The following MEGF10 variants were observed in gnomAD, a reference collection of about 807,000 sequenced individuals.
MEGF10 encodes the protein multiple epidermal growth factor-like domains protein 10.
In MEGF10, 86 loss-of-function variants were observed where a neutral mutation model predicts 147.5. The ratio of observed to expected loss-of-function variants is 0.58; its 90% CI spans 0.49 to 0.70. The LOEUF is 0.70. MEGF10 is among the 30% of genes least tolerant of loss of function. The pLI, the probability that MEGF10 is intolerant of heterozygous loss-of-function variation, is 0.00. For missense variants in MEGF10, 1,329 were observed against 1,487.3 expected, an observed-to-expected ratio of 0.89 and a Z score of 1.75; for synonymous variants, 478 against 525.5, an observed-to-expected ratio of 0.91 and a Z score of 1.24.
At chr5:127,392,299 G>A (rs1763732521) in intron 5 of MEGF10, among the ~76,000 whole-genome samples, 1 of 152,140 alleles carries the variant, frequency 6.6e-6, no homozygotes, top group South Asian at 2.1e-4. Flanking sequence ...GCTGTTGCAT[G>A]TATCATTCCC....
At chr5:127,354,835 G>A (rs1454053393) in intron 4 of MEGF10, among the ~76,000 whole-genome samples, 1 of 152,134 alleles carries the variant, frequency 6.6e-6, no homozygotes, top group African/African-American at 2.4e-5. Context: ...TTTTGTGTTG[G>A]GGATGGGAAA....
In MEGF10 at chr5:127,331,374, A is replaced by G. The variant is rs1315751467; in HGVS notation, c.66A>G (p.Thr22=). 5 of 1,613,358 alleles carry G rather than the reference A, an allele frequency of 3.1e-6. No individual in the cohort carries two copies. Among genetic ancestry groups the G allele is most frequent in the Non-Finnish European group, 4.2e-6 (5 of 1,179,514 alleles). Reference sequence around the variant, plus strand: ...TATTGTTATGCCACTGGATTGGGACAGCATCACCTCTGAATCTTGAAGACC... The same window carrying G: ...TATTGTTATGCCACTGGATTGGGACGGCATCACCTCTGAATCTTGAAGACC... ...ICLLLCHWIG[T]ASPLNLEDPN... is the part of the protein sequence containing the mutation. Residue 22 remains threonine, a synonymous_variant, in exon 2 of 25, where the codon ACA becomes ACG. Coordinates refer to ENST00000503335, the MANE Select transcript of MEGF10 (RefSeq NM_001256545.2).
In MEGF10 at chr5:127,458,823, G is replaced by C. The variant is rs1205787580; in HGVS notation, c.*1505G>C. On this transcript the variant is annotated 3_prime_UTR_variant, in exon 25 of 25. Coordinates refer to ENST00000503335, the MANE Select transcript of MEGF10 (RefSeq NM_001256545.2). ...TCATCTTAAAAAAAACTCTCATTAT[G>C]GTGATCATAGAATTGACCATCCAAA... is the stretch of plus-strand genomic sequence containing the variant. 1 of 152,086 alleles carries C rather than the reference G, an allele frequency of 6.6e-6. No homozygotes were observed. The highest frequency in any genetic ancestry group is 1.5e-5 in the Non-Finnish European group (1 of 68,020). 9.4% of individuals were successfully genotyped at this position (152,086 alleles called of 1,614,324 possible).
intron 5 of MEGF10, among the ~76,000 whole-genome samples, chr5:127,385,112 A>G (rs943698794): frequency 1.3e-5 from 2 of 152,148 alleles, no homozygotes; most frequent in African/African-American, 4.8e-5. Flanking sequence ...CTTGAAAGTG[A>G]CTTATTTGTA....
rs369256357 is a variant in MEGF10, at chr5:127,388,585, G to A, written c.413-7947G>A. On this transcript the variant is annotated intron_variant, in intron 5 of 24. Transcript: ENST00000503335. The stretch of plus-strand genomic sequence containing the variant: ...TTTTGAGGCAGAGTCTGGCTCTGTC[G>A]CCCAGGCTGGAGTGCAGTGGCGCGA... Among the ~76,000 whole-genome samples the A allele has an allele frequency of 3.9e-4, 57 of 147,084 alleles. 1 individual carries two copies. In the East Asian group the frequency reaches 8.1e-3, roughly 21 times the overall value.
intron 5 of MEGF10, among the ~76,000 whole-genome samples, chr5:127,392,535 T>C (rs1165425348): frequency 6.6e-6 from 1 of 152,198 alleles, no homozygotes; most frequent in Non-Finnish European, 1.5e-5. Flanking sequence ...TTGTATTGCT[T>C]CAGACTTGGT....
chr5:127,301,235 TGTC>T (rs1438916973), intron 1 of MEGF10, among the ~76,000 whole-genome samples: 1 of 152,158 alleles, frequency 6.6e-6, no homozygotes, highest in Non-Finnish European at 1.5e-5. Context: ...CAGAACAACC[TGTC>T]GTCCTTTTTC....
intron 5 of MEGF10, among the ~76,000 whole-genome samples, chr5:127,379,251 C>A (rs1016210884): frequency 1.3e-5 from 2 of 152,092 alleles, no homozygotes; most frequent in Non-Finnish European, 2.9e-5. Flanking sequence ...CTGCTTCTTC[C>A]TCAGATGCCA....
the MEGF10 span, among the ~76,000 whole-genome samples, chr5:127,285,379 AAAT>A: frequency 6.6e-6 from 1 of 152,182 alleles, no homozygotes; most frequent in Non-Finnish European, 1.5e-5. Flanking sequence ...CTAAAAATAC[AAAT>A]AATATTTTAA....
chr5:127,361,899 C>T (rs1260760460), intron 4 of MEGF10, among the ~76,000 whole-genome samples: 1 of 152,066 alleles, frequency 6.6e-6, no homozygotes, highest in African/African-American at 2.4e-5. Flanking sequence ...GCTTTGCATG[C>T]GTTGAATCTT....
intron 1 of MEGF10, among the ~76,000 whole-genome samples, chr5:127,317,203 GTTCT>G (rs1225605324): frequency 6.6e-6 from 1 of 152,150 alleles, no homozygotes; most frequent in Non-Finnish European, 1.5e-5. Context: ...ATTTGTTAAA[GTTCT>G]TTGTAGATTC....
At chr5:127,284,191 GGAA>G in the MEGF10 span, among the ~76,000 whole-genome samples, 4 of 152,242 alleles carry the variant, frequency 2.6e-5, no homozygotes, top group Admixed American at 6.5e-5. Context: ...ATCTAGGACT[GGAA>G]GAAGAAGACC....
At position 127,461,121 on chromosome 5, in the gene MEGF10, T is replaced by A. The variant is rs192951344; in HGVS notation, c.*3803T>A. ...AATGCTTTCAGTGTTGAAATATCTC[T>A]ATTTTCCAAAGATGATAAACTTTCA... On this transcript the variant is annotated 3_prime_UTR_variant, in exon 25 of 25. Coordinates refer to ENST00000503335, the MANE Select transcript of MEGF10 (RefSeq NM_001256545.2). 6.6e-6 allele frequency: 1 copy of A among 152,354 alleles called. No individual in the cohort carries two copies. 9.4% of individuals were successfully genotyped at this position (152,354 alleles called of 1,614,324 possible). A position where few individuals can be genotyped will look rare whatever the true frequency, so the allele number is the denominator to read the frequency against.
At chr5:127,451,284 C>T (rs781118027) in intron 22 of MEGF10, among the ~76,000 whole-genome samples, 2 of 152,116 alleles carry the variant, frequency 1.3e-5, no homozygotes, top group African/African-American at 4.8e-5. Context: ...GGAACTGATC[C>T]CTGTGGGAAT....
the MEGF10 span, among the ~76,000 whole-genome samples, chr5:127,246,772 T>TA: frequency 1.0e-4 from 14 of 138,798 alleles, no homozygotes; most frequent in African/African-American, 3.4e-4. Flanking sequence ...TATTTATAAA[T>TA]TATATTTATA....
intron 1 of MEGF10, among the ~76,000 whole-genome samples, chr5:127,299,414 C>A (rs1280726908): frequency 6.6e-6 from 1 of 152,152 alleles, no homozygotes; most frequent in Non-Finnish European, 1.5e-5. Flanking sequence ...GGGGGACTCT[C>A]CAGATGCCAT....
intron 1 of MEGF10, among the ~76,000 whole-genome samples, chr5:127,312,382 G>A (rs1318417367): frequency 1.2e-4 from 18 of 152,136 alleles, no homozygotes; most frequent in Admixed American, 1.0e-3. Context: ...CACCGTGTCC[G>A]ACATACACTC....
At chr5:127,268,755 C>T in the MEGF10 span, among the ~76,000 whole-genome samples, 35 of 152,206 alleles carry the variant, frequency 2.3e-4, no homozygotes, top group African/African-American at 7.0e-4. Context: ...TCTCCTAGCA[C>T]GGAGTTTGAG....
chr5:127,286,723 A>C (rs1759041047), upstream of MEGF10, among the ~76,000 whole-genome samples: 1 of 151,898 alleles, frequency 6.6e-6, no homozygotes, highest in Admixed American at 6.5e-5. Flanking sequence ...GAAATAGTAA[A>C]GGTAAGAGCT....
Sources: gnomAD v4.1 joint callset for allele counts (sites outside exome capture counted in the v4.1 genomes callset) on GRCh38, gnomAD v4.1.1 for gene constraint, MANE v1.5 for transcripts, NCBI Gene and HGNC (gene_info 2026-07-23, HGNC 2026-07-21) for gene names.